The following TBX19 variants were observed in gnomAD, a reference collection of about 807,000 sequenced individuals.
TBX19 encodes T-box transcription factor 19.
Under a neutral mutation model 40.9 loss-of-function variants are expected in TBX19, and 33 were observed. That is an observed-to-expected ratio of 0.81 (90% CI 0.61 to 1.08). The LOEUF (loss-of-function observed/expected upper bound fraction) is 1.08, where lower values mean the gene tolerates loss of function less well. TBX19 is among the 50% of genes least tolerant of loss of function. The probability of loss-of-function intolerance (pLI) is 0.00; values close to 1 mark genes in which losing one functional copy is unlikely to be tolerated. For missense variants in TBX19, 494 were observed against 574.0 expected, an observed-to-expected ratio of 0.86 and a Z score of 1.42; for synonymous variants, 220 against 225.0, an observed-to-expected ratio of 0.98 and a Z score of 0.20.
chr1:168,312,562 T>A, intron 7 of TBX19, 146 bp from the exon 8 acceptor site: 1 of 885,948 alleles, frequency 1.1e-6, no homozygotes, highest in Non-Finnish European at 1.8e-6. Context: ...ACAGGACCAA[T>A]CTGCGTCATA....
At chr1:168,306,294 A>G (rs1649401028) in intron 6 of TBX19, among the ~76,000 whole-genome samples, 1 of 152,154 alleles carries the variant, frequency 6.6e-6, no homozygotes, top group Non-Finnish European at 1.5e-5. Context: ...CCTACTGTGT[A>G]CCGTGTTCTT....
Sources: allele counts gnomAD v4.1 joint callset (sites outside exome capture counted in the v4.1 genomes callset), GRCh38; gene constraint gnomAD v4.1.1; transcripts MANE v1.5; gene names NCBI Gene and HGNC (gene_info 2026-07-23, HGNC 2026-07-21).